The following TTLL1 variants were observed in gnomAD, a reference collection of about 807,000 sequenced individuals.
TTLL1 encodes the protein polyglutamylase complex subunit TTLL1.
Under a neutral mutation model 47.8 loss-of-function variants are expected in TTLL1, and 33 were observed. That is an observed-to-expected ratio of 0.69 (90% CI 0.52 to 0.92). The LOEUF is 0.92. Ranked by LOEUF, TTLL1 falls within the 40% of genes least tolerant of loss-of-function variation. The pLI, the probability that TTLL1 is intolerant of heterozygous loss-of-function variation, is 0.00. For missense variants in TTLL1, 488 were observed against 547.5 expected (o/e 0.89, Z 1.08); for synonymous variants, 225 against 214.1 (o/e 1.05, Z -0.45).
chr22:43,059,628 G>A (rs1927271453), intron 7 of TTLL1, 101 bp from the exon 8 acceptor site: 2 of 1,398,538 alleles, frequency 1.4e-6, no homozygotes, highest in Admixed American at 2.7e-5. Context: ...TGCCCCCTGG[G>A]TGTGGGCATC....
intron 5 of TTLL1, 61 bp downstream of exon 5, chr22:43,068,349 G>C: frequency 1.5e-6 from 2 of 1,348,900 alleles, no homozygotes; most frequent in East Asian, 5.2e-5. Flanking sequence ...CAAAGACTGC[G>C]AACAGCATAA....
At chr22:43,044,823 C>T (rs1023547838) in intron 10 of TTLL1, among the ~76,000 whole-genome samples, 1 of 151,880 alleles carries the variant, frequency 6.6e-6, no homozygotes, top group Non-Finnish European at 1.5e-5. Context: ...GAGTTTTTCC[C>T]AGGCAACCTC....
chr22:43,069,486 TG>T (rs1927968798), intron 4 of TTLL1, 149 bp downstream of exon 4: 1 of 1,398,012 alleles, frequency 7.2e-7, no homozygotes, highest in East Asian at 2.3e-5. Context: ...TCCCTCATTC[TG>T]GAGACACCTG....
chr22:43,041,428 A>T (rs1244147506), intron 10 of TTLL1: 1 of 152,084 alleles, frequency 6.6e-6, no homozygotes, highest in Non-Finnish European at 1.5e-5. Flanking sequence ...TGAATGTAGT[A>T]TGAGTTAGAA....
intron 1 of TTLL1, among the ~76,000 whole-genome samples, chr22:43,083,840 C>T (rs1213124772): frequency 6.6e-6 from 1 of 152,080 alleles, no homozygotes; most frequent in Non-Finnish European, 1.5e-5. Context: ...TGATCACCTT[C>T]CCTGAGCAAA....
At chr22:43,075,447 C>G (rs778081836) in intron 3 of TTLL1, 27 bp downstream of exon 3, 2 of 1,590,788 alleles carry the variant, frequency 1.3e-6, no homozygotes, top group South Asian at 2.2e-5. Context: ...CTCAGAGAAA[C>G]AACCCAGCCC....
At chr22:43,075,713 C>T (rs1928444057) in intron 2 of TTLL1, 123 bp from the exon 3 acceptor site, 1 of 822,004 alleles carries the variant, frequency 1.2e-6, no homozygotes, top group Non-Finnish European at 2.0e-6. Flanking sequence ...TGGTTCTCAA[C>T]CAGGAGTGAT....
Position 43,064,355 on chromosome 22 carries a change from T to C in TTLL1, c.504-31A>G, listed in dbSNP as rs1485177930. 2.5e-6 allele frequency: 4 copies of C among 1,597,648 alleles called. No individual in the cohort carries two copies. The South Asian group carries it at 3.4e-5, about 14-fold the overall frequency. On this transcript the variant is annotated intron_variant, in intron 5 of 10. Transcript: ENST00000266254. ...CATGGCAGAGAAAGTAAAAATTAGA[T>C]GGTAAAAGATGCAATAACGAAGACA... is the stretch of plus-strand genomic sequence containing the variant.
chr22:43,059,572 C>T, intron 7 of TTLL1, 45 bp from the exon 8 acceptor site: 1 of 1,574,466 alleles, frequency 6.4e-7, no homozygotes, highest in Non-Finnish European at 8.6e-7. Flanking sequence ...CTATGCACCC[C>T]AGAGGAACCC....
chr22:43,060,808 T>C (rs1445883504), intron 7 of TTLL1, among the ~76,000 whole-genome samples: 2 of 152,208 alleles, frequency 1.3e-5, no homozygotes, highest in Non-Finnish European at 2.9e-5. Flanking sequence ...TTTCTAAGTA[T>C]AAAGTGAGAA....
intron 8 of TTLL1, 182 bp from the exon 9 acceptor site, chr22:43,052,069 G>T: frequency 1.6e-6 from 1 of 611,882 alleles, no homozygotes; most frequent in Non-Finnish European, 3.0e-6. Context: ...CAGAGATTGG[G>T]CACTTTCCTC....
rs1364490149 is a variant in TTLL1, at chr22:43,075,539, C to T, written c.48G>A (p.Leu16=). 6.2e-7 allele frequency: 1 copy of T among 1,614,050 alleles called. No homozygotes were observed. The highest frequency in any genetic ancestry group is 1.3e-5 in the African/African-American group (1 of 74,926). ...KWVTDIEKSV[L]INNFEKRGWV... Reference sequence around the variant, plus strand: ...ATCCTCTCTTTTCAAAGTTATTGATCAGCACTGACTTCTCGATATCAGTGA... The same window carrying T: ...ATCCTCTCTTTTCAAAGTTATTGATTAGCACTGACTTCTCGATATCAGTGA... The change falls in exon 3 of 11, where the codon CTG becomes CTA. Residue 16 remains leucine, a synonymous_variant. Transcript: ENST00000266254.
At chr22:43,052,652 G>C (rs746480556) in intron 8 of TTLL1, among the ~76,000 whole-genome samples, 1 of 152,118 alleles carries the variant, frequency 6.6e-6, no homozygotes, top group Non-Finnish European at 1.5e-5. Flanking sequence ...TGGAGGCTGG[G>C]AGGAAGAGGA....
chr22:43,055,203 T>C (rs1203983721), intron 8 of TTLL1, among the ~76,000 whole-genome samples: 2 of 152,012 alleles, frequency 1.3e-5, no homozygotes, highest in East Asian at 3.9e-4. Flanking sequence ...TTTGTATTTT[T>C]AGTAGAGATG....
At position 43,070,091 on chromosome 22, in the gene TTLL1, G is replaced by T. The variant is rs1339908241; in HGVS notation, c.114-247C>A. On this transcript the variant is annotated intron_variant, in intron 3 of 10. Transcript: ENST00000266254. ...TCTGAGCTGTTTCCCTCTCTGGCCC[G>T]GAGCAGGCACTCAATAGATGTTTAT... is the stretch of plus-strand genomic sequence containing the variant. 14 of 1,299,610 alleles carry T rather than the reference G, an allele frequency of 1.1e-5. No individual in the cohort carries two copies. In the South Asian group the frequency reaches 1.7e-4, roughly 16 times the overall value. 80.5% of individuals were successfully genotyped at this position (1,299,610 alleles called of 1,614,324 possible). A position where few individuals can be genotyped will look rare whatever the true frequency, so the allele number is the denominator to read the frequency against.
chr22:43,070,348 G>C, intron 3 of TTLL1: 2 of 512,556 alleles, frequency 3.9e-6, no homozygotes, highest in Middle Eastern at 7.4e-4. Flanking sequence ...AGTTGAAAGA[G>C]AAATAGATTC....
rs1926221515 is a variant in TTLL1, at chr22:43,047,336, G to C, written c.979-763C>G. ...AGTAAAGCAGCATTCTCACTCAAAT[G>C]ATGAATCCTTCCAACACATGGAAAG... On this transcript the variant is annotated intron_variant, in intron 9 of 10. Coordinates refer to ENST00000266254, the MANE Select transcript of TTLL1 (RefSeq NM_012263.5). Among the ~76,000 whole-genome samples, 4 of 152,152 alleles carry C rather than the reference G, an allele frequency of 2.6e-5. No homozygotes were observed. In the South Asian group the frequency reaches 8.3e-4, roughly 32 times the overall value.
intron 3 of TTLL1, among the ~76,000 whole-genome samples, chr22:43,074,997 T>C (rs1320235354): frequency 2.0e-5 from 3 of 152,168 alleles, no homozygotes; most frequent in African/African-American, 7.2e-5. Flanking sequence ...TGAAACCCCG[T>C]CTCTACTAAA....
At chr22:43,082,005 C>T (rs1808223954) in intron 1 of TTLL1, among the ~76,000 whole-genome samples, 1 of 151,884 alleles carries the variant, frequency 6.6e-6, no homozygotes, top group Non-Finnish European at 1.5e-5. Flanking sequence ...GTACATGCCC[C>T]CGCGCCTGGC....
Sources: gnomAD v4.1 joint callset for allele counts (sites outside exome capture counted in the v4.1 genomes callset) on GRCh38, gnomAD v4.1.1 for gene constraint, MANE v1.5 for transcripts, NCBI Gene and HGNC (gene_info 2026-07-23, HGNC 2026-07-21) for gene names.